XIRP2: variants seen among roughly 807,000 people sequenced by gnomAD.
XIRP2 encodes the protein xin actin-binding repeat-containing protein 2.
XIRP2 carries 236 observed loss-of-function variants against 277.0 expected under a neutral mutation model. The observed-to-expected ratio is 0.85, with a 90% CI of 0.77 to 0.95. XIRP2 has a LOEUF of 0.95. XIRP2 is among the 40% of genes least tolerant of loss of function. The pLI is 0.00. For synonymous variants in XIRP2, 1,490 were observed against 1,416.5 expected, an observed-to-expected ratio of 1.05 and a Z score of -1.17; for missense variants, 4,640 against 4,157.5, an observed-to-expected ratio of 1.12 and a Z score of -3.19.
At chr2:167,233,162 TAGA>T (rs1694807603) in intron 5 of XIRP2, among the ~76,000 whole-genome samples, 1 of 151,962 alleles carries the variant, frequency 6.6e-6, no homozygotes, top group Non-Finnish European at 1.5e-5. Flanking sequence ...TTCATGCCTA[TAGA>T]ATGCATTCTA....
At chr2:167,010,473 C>T (rs566626112) in intron 2 of XIRP2, among the ~76,000 whole-genome samples, 1 of 151,914 alleles carries the variant, frequency 6.6e-6, no homozygotes, top group Non-Finnish European at 1.5e-5. Flanking sequence ...GTTACTGTAG[C>T]CTTGTAGTAT....
At chr2:167,228,476 T>C (rs927970605) in intron 5 of XIRP2, among the ~76,000 whole-genome samples, 3 of 152,188 alleles carry the variant, frequency 2.0e-5, no homozygotes, top group Non-Finnish European at 4.4e-5. Flanking sequence ...ACATTCTACC[T>C]GTGTCTTTTG....
chr2:167,252,142 T>TGC (rs1695530793), intron 9 of XIRP2, among the ~76,000 whole-genome samples, 195 bp downstream of exon 9: 1 of 152,012 alleles, frequency 6.6e-6, no homozygotes, highest in African/African-American at 2.4e-5. Context: ...AAGCATAGAG[T>TGC]ATGATTTACT....
Position 167,248,087 on chromosome 2 carries a change from A to G in XIRP2, c.6695A>G (p.His2232Arg). Residue 2232 changes from histidine to arginine, a missense_variant, in exon 9 of 11, where the codon CAC becomes CGC. Physicochemically the swap from His to Arg is conservative, Grantham distance 29. Coordinates refer to ENST00000409195, the MANE Select transcript of XIRP2 (RefSeq NM_152381.6). ...VTEMKVSEKS[H>R]NTFKATNKKR... ...GAAATGAAAGTCTCTGAAAAAAGTC[A>G]CAATACATTTAAGGCAACCAACAAA... 1 of 1,613,540 alleles carries G rather than the reference A, an allele frequency of 6.2e-7. No homozygotes were observed. The highest frequency in any genetic ancestry group is 8.5e-7 in the Non-Finnish European group (1 of 1,179,776).
rs1225806632 is a variant in XIRP2, at chr2:167,258,803, G to GA, written c.*990dup. The GA allele has an allele frequency of 6.2e-7, 1 of 1,613,088 alleles. No individual in the cohort carries two copies. The highest frequency in any genetic ancestry group is 8.5e-7 in the Non-Finnish European group (1 of 1,179,596). On this transcript the variant is annotated 3_prime_UTR_variant, in exon 11 of 11. Transcript: ENST00000409195. ...AAATGAATATGAAATTGAGAAGTTA[G>GA]AAAATACATCTAGAATCTCAGAGTT...
chr2:166,914,482 A>G (rs1005310873), intron 2 of XIRP2, among the ~76,000 whole-genome samples: 1 of 152,060 alleles, frequency 6.6e-6, no homozygotes, highest in Non-Finnish European at 1.5e-5. Flanking sequence ...CTGGGACTAC[A>G]GGTGCCCGCC....
At chr2:167,166,638 C>T (rs141770604) in intron 3 of XIRP2, among the ~76,000 whole-genome samples, 125 of 152,228 alleles carry the variant, frequency 8.2e-4, no homozygotes, top group African/African-American at 2.5e-3. Context: ...CGGCAAGTCA[C>T]GTGGCAAGAG....
intron 2 of XIRP2, among the ~76,000 whole-genome samples, chr2:167,085,931 A>C (rs928579158): frequency 3.9e-5 from 6 of 152,232 alleles, no homozygotes; most frequent in Middle Eastern, 3.4e-3. Context: ...TGGAACATTT[A>C]GCCCATTTAC....
intron 3 of XIRP2, among the ~76,000 whole-genome samples, chr2:167,208,941 A>T (rs1369058792): frequency 2.6e-5 from 4 of 152,238 alleles, no homozygotes; most frequent in African/African-American, 4.8e-5. Flanking sequence ...TCATCTGTGC[A>T]GATAGAGAAG....
At chr2:166,913,868 G>A (rs905445351) in intron 2 of XIRP2, among the ~76,000 whole-genome samples, 5 of 152,170 alleles carry the variant, frequency 3.3e-5, no homozygotes, top group Non-Finnish European at 7.3e-5. Flanking sequence ...AAGTTGACAA[G>A]TATTTGTGGA....
At chr2:167,233,908 A>T (rs1009637564) in intron 5 of XIRP2, among the ~76,000 whole-genome samples, 1 of 151,518 alleles carries the variant, frequency 6.6e-6, no homozygotes, top group Admixed American at 6.6e-5. Flanking sequence ...TGCATTCTTT[A>T]TTGTGAATTG....
At chr2:167,032,900 T>C (rs1026425164) in intron 2 of XIRP2, among the ~76,000 whole-genome samples, 3 of 152,068 alleles carry the variant, frequency 2.0e-5, no homozygotes, top group Non-Finnish European at 4.4e-5. Flanking sequence ...TCCTCAAGGA[T>C]CTAGAACCAG....
rs780269029 is a variant in XIRP2 at position 167,247,967 on chromosome 2, C to T, written c.6575C>T (p.Thr2192Ile). The T allele has an allele frequency of 2.4e-5, 38 of 1,608,658 alleles. No homozygotes were observed. Among genetic ancestry groups the T allele is most frequent in the Non-Finnish European group, 3.1e-5 (37 of 1,178,610 alleles). ...AAGCAAACTTTGTTAAAGCAAGAAA[C>T]AAAATATTCTAATAAGGATATAAAG... ...FQKQTLLKQETKYSNKDIKKK... is the reference protein window; with the variant it reads ...FQKQTLLKQEIKYSNKDIKKK... Residue 2192 changes from threonine (T) to isoleucine (I), a missense_variant, in exon 9 of 11, where the codon ACA becomes ATA. By Grantham distance (89) the Thr-to-Ile change is moderately conservative. Coordinates refer to ENST00000409195, the MANE Select transcript of XIRP2 (RefSeq NM_152381.6).
chr2:167,233,674 T>C (rs975384064), intron 5 of XIRP2, among the ~76,000 whole-genome samples: 1 of 151,786 alleles, frequency 6.6e-6, no homozygotes, highest in Admixed American at 6.6e-5. Context: ...ATAGGACACA[T>C]GTTACCTCTG....
intron 2 of XIRP2, among the ~76,000 whole-genome samples, chr2:167,028,582 C>T (rs563526172): frequency 2.6e-5 from 4 of 151,962 alleles, no homozygotes; most frequent in African/African-American, 9.6e-5. Flanking sequence ...ATTTGGGAAG[C>T]CTTCCCAAGA....
intron 2 of XIRP2, 44 bp from the exon 3 acceptor site, chr2:167,135,865 T>C: frequency 6.6e-7 from 1 of 1,506,542 alleles, no homozygotes; most frequent in Non-Finnish European, 8.9e-7. Context: ...ATCTGTTTCC[T>C]ACTGATAGCT....
At chr2:166,985,389 T>C (rs1558938587) in intron 2 of XIRP2, among the ~76,000 whole-genome samples, 1 of 152,190 alleles carries the variant, frequency 6.6e-6, no homozygotes, top group Non-Finnish European at 1.5e-5. Context: ...GGATTAATAC[T>C]TTTTATGTCC....
chr2:167,139,339 A>G (rs1397959493), intron 3 of XIRP2, among the ~76,000 whole-genome samples: 5 of 152,092 alleles, frequency 3.3e-5, no homozygotes, highest in Non-Finnish European at 5.9e-5. Flanking sequence ...TAATATGACA[A>G]TTGCCTGCCC....
chr2:167,215,306 TATATA>T (rs1381945506), intron 4 of XIRP2, among the ~76,000 whole-genome samples: 1 of 152,210 alleles, frequency 6.6e-6, no homozygotes, highest in East Asian at 1.9e-4. Context: ...TTTGATACAA[TATATA>T]CCTAGTTCAT....
Sources: gnomAD v4.1 joint callset for allele counts (sites outside exome capture counted in the v4.1 genomes callset) on GRCh38, gnomAD v4.1.1 for gene constraint, MANE v1.5 for transcripts, NCBI Gene and HGNC (gene_info 2026-07-23, HGNC 2026-07-21) for gene names.